The following NEK11 variants were observed in gnomAD, a reference collection of about 807,000 sequenced individuals.
NEK11 encodes the protein NIMA related kinase 11.
A neutral mutation model predicts 80.7 loss-of-function variants in NEK11; 72 were observed. That is an observed-to-expected ratio of 0.89 (90% CI 0.74 to 1.08). NEK11 has a LOEUF of 1.08. Ranked by LOEUF, NEK11 falls within the 50% of genes least tolerant of loss-of-function variation. The pLI, the probability that NEK11 is intolerant of heterozygous loss-of-function variation, is 0.00. For synonymous variants in NEK11, 251 were observed against 260.7 expected (o/e 0.96, Z 0.36); for missense variants, 764 against 763.6 (o/e 1.00, Z -0.01).
At chr3:131,338,109 G>T (rs142296166) in intron 17 of NEK11, among the ~76,000 whole-genome samples, 2,528 of 152,056 alleles carry the variant, frequency 0.017, 71 homozygotes, top group African/African-American at 0.057. Context: ...TGGGACTACA[G>T]GCACACGCCG....
chr3:131,247,265 G>A lies in NEK11; in HGVS notation c.1621+3769G>A, dbSNP rs187465253. Reference sequence around the variant, plus strand: ...TTTATGGTTTCGGTCTTACATTTAAGTCTTTGATCCATCTTCAGTTGATTT... The same window carrying A: ...TTTATGGTTTCGGTCTTACATTTAAATCTTTGATCCATCTTCAGTTGATTT... On this transcript the variant is annotated intron_variant, in intron 16 of 17. Coordinates refer to ENST00000383366, the MANE Select transcript of NEK11 (RefSeq NM_024800.5). Among the ~76,000 whole-genome samples the A allele has an allele frequency of 1.4e-4, 21 of 152,188 alleles. No individual in the cohort carries two copies. The East Asian group carries it at 3.3e-3, about 24-fold the overall frequency.
intron 17 of NEK11, among the ~76,000 whole-genome samples, chr3:131,287,195 CA>C (rs541850192): frequency 1.4e-4 from 21 of 152,314 alleles, no homozygotes; most frequent in African/African-American, 5.1e-4. Context: ...GCCTCCAGAA[CA>C]AGAGGTAAGG....
intron 16 of NEK11, among the ~76,000 whole-genome samples, chr3:131,251,200 C>CAAAAAAAA (rs770059749): frequency 1.1e-5 from 1 of 90,864 alleles, no homozygotes; most frequent in Non-Finnish European, 2.7e-5. Context: ...AAGGTAAATA[C>CAAAAAAAA]AAAAAAAAAA....
intron 5 of NEK11, 22 bp from the exon 6 acceptor site, chr3:131,132,723 A>G (rs1236760345): frequency 6.7e-6 from 9 of 1,342,250 alleles, no homozygotes; most frequent in African/African-American, 2.9e-5. Flanking sequence ...ATGAAGTTGT[A>G]TATCTTTTTT....
chr3:131,157,394 C>A (rs1196901021), intron 10 of NEK11, among the ~76,000 whole-genome samples: 1 of 152,116 alleles, frequency 6.6e-6, no homozygotes, highest in East Asian at 1.9e-4. Flanking sequence ...GATCATTGTC[C>A]ATTACAGTCT....
At chr3:131,073,951 T>C (rs1267594139) in intron 3 of NEK11, among the ~76,000 whole-genome samples, 1 of 152,154 alleles carries the variant, frequency 6.6e-6, no homozygotes, top group African/African-American at 2.4e-5. Flanking sequence ...ATAATGGGAA[T>C]TGGTGGATTA....
At position 131,349,900 on chromosome 3, in the gene NEK11, T is replaced by G; in HGVS notation, c.*124T>G. 1.4e-6 allele frequency: 1 copy of G among 711,506 alleles called. No individual in the cohort carries two copies. 44.1% of individuals were successfully genotyped at this position (711,506 alleles called of 1,614,324 possible). A position where few individuals can be genotyped will look rare whatever the true frequency, so the allele number is the denominator to read the frequency against. The stretch of plus-strand genomic sequence containing the variant: ...GCAGAGCTCCCATCTTGACTTTCAA[T>G]TCCTCATCAGAAGTACTGGCTTCTT... On this transcript the variant is annotated 3_prime_UTR_variant, in exon 18 of 18. Coordinates refer to ENST00000383366, the MANE Select transcript of NEK11 (RefSeq NM_024800.5).
rs1307585591 is a variant in NEK11 at position 131,170,786 on chromosome 3, C to A, written c.1298C>A (p.Pro433Gln). ...ACCTTCCACAAGGAATCTGATGAAC[C>A]AACTTTAGAGAACCTGCCTGAGTCT... The part of the protein sequence containing the change: ...WQGREEESDE[P>Q]TLENLPESQP... Residue 433 changes from proline to glutamine, a missense_variant, in exon 14 of 18, where the codon CCA (proline) becomes CAA (glutamine). Pro to Gln is a moderately conservative substitution (Grantham distance 76). Transcript: ENST00000383366. 6.2e-7 allele frequency: 1 copy of A among 1,613,122 alleles called. No homozygotes were observed.
intron 17 of NEK11, among the ~76,000 whole-genome samples, chr3:131,324,512 A>C (rs769259628): frequency 6.6e-6 from 1 of 152,108 alleles, no homozygotes; most frequent in Admixed American, 6.5e-5. Context: ...AAAGAAATCT[A>C]TTTTATCTTC....
intron 14 of NEK11, among the ~76,000 whole-genome samples, chr3:131,208,999 A>G (rs369078196): frequency 2.0e-5 from 3 of 152,262 alleles, no homozygotes; most frequent in African/African-American, 7.2e-5. Flanking sequence ...TTCCAACACT[A>G]TGTTGAATAG....
intron 14 of NEK11, among the ~76,000 whole-genome samples, chr3:131,215,998 A>C (rs2094822395): frequency 6.6e-6 from 1 of 152,240 alleles, no homozygotes; most frequent in Non-Finnish European, 1.5e-5. Context: ...CTTGAAAAGT[A>C]GCTAGTGCAA....
chr3:131,320,707 A>G (rs1013604976), intron 17 of NEK11, among the ~76,000 whole-genome samples: 1 of 152,166 alleles, frequency 6.6e-6, no homozygotes, highest in Non-Finnish European at 1.5e-5. Flanking sequence ...TAAGAATGTC[A>G]GAATTCTATG....
At chr3:131,036,130 T>C (rs999845523) in intron 3 of NEK11, among the ~76,000 whole-genome samples, 1 of 152,248 alleles carries the variant, frequency 6.6e-6, no homozygotes, top group African/African-American at 2.4e-5. Flanking sequence ...TCATTGCCTC[T>C]GAGAGGAGAT....
chr3:131,349,645 G>C lies in NEK11; in HGVS notation c.1807G>C (p.Glu603Gln). 1 of 1,614,182 alleles carries C rather than the reference G, an allele frequency of 6.2e-7. No individual in the cohort carries two copies. Among genetic ancestry groups the C allele is most frequent in the Non-Finnish European group, 8.5e-7 (1 of 1,180,020 alleles). ...AAGGCATCAGAATGCTAGCGAAGCA[G>C]AGATCCGCGAGTGTTTGGAAAAAGT... ...RARHQNASEA[E>Q]IRECLEKVVP... is the part of the protein sequence containing the mutation. Residue 603 changes from glutamate to glutamine, a missense_variant, in exon 18 of 18, where the codon GAG becomes CAG. Glu to Gln is a conservative substitution (Grantham distance 29). Coordinates refer to ENST00000383366, the MANE Select transcript of NEK11 (RefSeq NM_024800.5).
chr3:131,152,360 T>G (rs575424163), intron 7 of NEK11, 28 bp from the exon 8 acceptor site: 52 of 1,564,434 alleles, frequency 3.3e-5, no homozygotes, highest in Non-Finnish European at 4.2e-5. Context: ...ATTTGTTCCT[T>G]ATTTAAATTC....
chr3:131,222,520 A>AT (rs1389930790), intron 14 of NEK11, among the ~76,000 whole-genome samples: 14 of 152,188 alleles, frequency 9.2e-5, no homozygotes, highest in African/African-American at 3.4e-4. Flanking sequence ...CTCTATGGAG[A>AT]TTTTAAGTAA....
intron 14 of NEK11, among the ~76,000 whole-genome samples, chr3:131,188,943 G>A (rs1326074833): frequency 2.0e-5 from 3 of 152,116 alleles, no homozygotes; most frequent in African/African-American, 4.8e-5. Flanking sequence ...AAGGATCTTC[G>A]GGGGAGATCA....
chr3:131,149,695 A>G (rs887886196), intron 7 of NEK11, among the ~76,000 whole-genome samples: 23 of 152,072 alleles, frequency 1.5e-4, no homozygotes, highest in African/African-American at 5.3e-4. Context: ...ACTTTCTAAT[A>G]TCTGTGGAAT....
At chr3:131,030,234 C>CA (rs11293793) in intron 3 of NEK11, among the ~76,000 whole-genome samples, 2,383 of 137,430 alleles carry the variant, frequency 0.017, 18 homozygotes, top group East Asian at 0.057. Flanking sequence ...GCAAGACTGA[C>CA]AAAAAAAAAA....
Sources: allele counts gnomAD v4.1 joint callset (sites outside exome capture counted in the v4.1 genomes callset), GRCh38; gene constraint gnomAD v4.1.1; transcripts MANE v1.5; gene names NCBI Gene and HGNC (gene_info 2026-07-23, HGNC 2026-07-21).